KMT2C: variants seen among roughly 807,000 people sequenced by gnomAD.
KMT2C encodes the protein histone-lysine N-methyltransferase 2C.
Under a neutral mutation model 507.9 loss-of-function variants are expected in KMT2C, and 88 were observed. That is an observed-to-expected ratio of 0.17 (90% CI 0.15 to 0.21). The LOEUF is 0.21. Ranked by LOEUF, KMT2C falls within the 10% of genes least tolerant of loss-of-function variation. KMT2C has a pLI of 1.00. For missense variants in KMT2C, 4,954 were observed against 5,957.8 expected (o/e 0.83, Z 5.55); for synonymous variants, 2,049 against 2,080.8 (o/e 0.98, Z 0.42).
chr7:152,143,457 C>G (rs559759728), intron 55 of KMT2C, among the ~76,000 whole-genome samples: 1 of 152,324 alleles, frequency 6.6e-6, no homozygotes, highest in East Asian at 1.9e-4. Flanking sequence ...GGAGGCCCCA[C>G]CTCCAGAGCT....
chr7:152,311,847 C>G lies in KMT2C; in HGVS notation c.690G>C (p.Leu230=), dbSNP rs1245702490. ...QAGKLWDELS[L]VGLPDAIDIQ... ...TATCAATGGCATCTGGAAGCCCAAC[C>G]AGACTGAGTTCATCCCACAGTTTAC... Residue 230 remains leucine (L), a synonymous_variant, in exon 5 of 59, where the codon CTG becomes CTC. Coordinates refer to ENST00000262189, the MANE Select transcript of KMT2C (RefSeq NM_170606.3). The G allele has an allele frequency of 4.3e-6, 7 of 1,611,432 alleles. No homozygotes were observed. The highest frequency in any genetic ancestry group is 5.9e-6 in the Non-Finnish European group (7 of 1,178,094).
intron 41 of KMT2C, among the ~76,000 whole-genome samples, chr7:152,168,419 G>A (rs1376702332): frequency 1.3e-5 from 2 of 152,138 alleles, no homozygotes; most frequent in African/African-American, 4.8e-5. Context: ...AATTTCAAAA[G>A]GTCAGACTTT....
At chr7:152,262,089 C>T (rs1250493528) in intron 9 of KMT2C, among the ~76,000 whole-genome samples, 1 of 152,110 alleles carries the variant, frequency 6.6e-6, no homozygotes, top group Non-Finnish European at 1.5e-5. Flanking sequence ...AGGTGCCAAA[C>T]CTCACTGGCG....
At chr7:152,249,431 C>T (rs1457639125) in intron 13 of KMT2C, among the ~76,000 whole-genome samples, 4 of 150,134 alleles carry the variant, frequency 2.7e-5, no homozygotes, top group African/African-American at 4.9e-5. Flanking sequence ...TCAAGTGGTC[C>T]TCCCACCTCA....
rs760797362 is a variant in KMT2C at position 152,180,862 on chromosome 7, C to T, written c.6998G>A (p.Ser2333Asn). ...ADQPRPGSEG[S>N]FCASSNSPMH... ...TGGAGAGTTTGAAGATGCACAGAAG[C>T]TCCCCTCTGATCCAGGCCTTGGCTG... Residue 2333 changes from serine to asparagine, a missense_variant, in exon 36 of 59, where the codon AGC becomes AAC. Physicochemically the swap from Ser to Asn is conservative, Grantham distance 46. This residue lies in a region of KMT2C where 1,689 missense variants were observed against 1,654.3 expected (regional missense o/e 1.02). Coordinates refer to ENST00000262189, the MANE Select transcript of KMT2C (RefSeq NM_170606.3). 1.9e-6 allele frequency: 3 copies of T among 1,614,064 alleles called. No individual in the cohort carries two copies. The highest frequency in any genetic ancestry group is 2.5e-6 in the Non-Finnish European group (3 of 1,180,042).
chr7:152,252,110 T>G lies in KMT2C; in HGVS notation c.1470-20A>C. On this transcript the variant is annotated intron_variant, in intron 10 of 58. Coordinates refer to ENST00000262189, the MANE Select transcript of KMT2C (RefSeq NM_170606.3). ...ACCCACCTGCAGTGATAAGTATACT[T>G]AAATAAAAATTTCTAACATCGAGTT... The G allele has an allele frequency of 2.6e-6, 4 of 1,541,822 alleles. No homozygotes were observed. The highest frequency in any genetic ancestry group is 3.5e-6 in the Non-Finnish European group (4 of 1,140,112).
intron 15 of KMT2C, among the ~76,000 whole-genome samples, chr7:152,236,849 G>T (rs202030088): frequency 6.6e-6 from 1 of 152,146 alleles, no homozygotes; most frequent in South Asian, 2.1e-4. Flanking sequence ...AAGCCAAAGC[G>T]TCCAGCCAGG....
intron 1 of KMT2C, among the ~76,000 whole-genome samples, chr7:152,365,873 G>C (rs142904270): frequency 3.3e-5 from 5 of 152,046 alleles, no homozygotes. Context: ...GTAGTCCTGG[G>C]TACTCAGGAG....
In KMT2C at chr7:152,144,500, T is replaced by G. The variant is rs2090916947; in HGVS notation, c.14343+213A>C. 6.6e-6 allele frequency among the ~76,000 whole-genome samples: 1 copy of G among 152,226 alleles called. No homozygotes were observed. On this transcript the variant is annotated intron_variant, in intron 55 of 58. Coordinates refer to ENST00000262189, the MANE Select transcript of KMT2C (RefSeq NM_170606.3). This position sits in a 1 kb window ranked among gnomAD's most constrained non-coding sequence, Gnocchi z 4.4. The stretch of plus-strand genomic sequence containing the variant: ...GATGCAAAGATGTGGATTCCACTGG[T>G]CTGCTTTCCCTTTGGGGAAGCCAAT...
At chr7:152,223,782 G>A (rs1443865337) in intron 20 of KMT2C, among the ~76,000 whole-genome samples, 1 of 152,098 alleles carries the variant, frequency 6.6e-6, no homozygotes, top group Non-Finnish European at 1.5e-5. Context: ...CCTGGTGACA[G>A]AGCAAGACTC....
At chr7:152,174,605 T>C (rs894764643) in intron 38 of KMT2C, among the ~76,000 whole-genome samples, 1 of 152,208 alleles carries the variant, frequency 6.6e-6, no homozygotes, top group Non-Finnish European at 1.5e-5. Flanking sequence ...TCTACTAAAT[T>C]AGTTATCACT....
chr7:152,202,279 T>G (rs2094167793), intron 26 of KMT2C, among the ~76,000 whole-genome samples: 1 of 152,214 alleles, frequency 6.6e-6, no homozygotes, highest in Admixed American at 6.5e-5. Flanking sequence ...ATTAGTTAGA[T>G]GCAGAGCCAG....
intron 39 of KMT2C, among the ~76,000 whole-genome samples, chr7:152,172,250 T>C (rs1712418278): frequency 6.6e-6 from 1 of 152,146 alleles, no homozygotes; most frequent in Non-Finnish European, 1.5e-5. Context: ...CACACTACTC[T>C]AAGAAGGGAC....
intron 1 of KMT2C, among the ~76,000 whole-genome samples, chr7:152,364,863 T>C (rs1254349350): frequency 6.6e-6 from 1 of 151,664 alleles, no homozygotes; most frequent in African/African-American, 2.4e-5. Context: ...GTGAAATAAT[T>C]AGCTGTAAAT....
At chr7:152,174,054 T>A in intron 39 of KMT2C, 77 bp downstream of exon 39, 1 of 779,180 alleles carries the variant, frequency 1.3e-6, no homozygotes, top group Non-Finnish European at 2.1e-6. Context: ...CCATTTTCTG[T>A]ATGTTTTTTC....
In KMT2C at chr7:152,162,315, G is replaced by A. The variant is rs2129103679; in HGVS notation, c.11262C>T (p.Ser3754=). The change falls in exon 43 of 59, where the codon TCC becomes TCT. Residue 3754 remains serine, a synonymous_variant. Transcript: ENST00000262189. ...CAGAATGGGGAGGACTCTGTGCTGAGGAGACAGGACAGGCTACAGCGTTTC... is the reference window on the plus strand; with the variant it reads ...CAGAATGGGGAGGACTCTGTGCTGAAGAGACAGGACAGGCTACAGCGTTTC... The part of the protein sequence containing the change: ...VEGNAVACPV[S]SAQSPPHSAG... The A allele has an allele frequency of 6.2e-7, 1 of 1,614,230 alleles. No homozygotes were observed. The highest frequency in any genetic ancestry group is 8.5e-7 in the Non-Finnish European group (1 of 1,180,042).
At position 152,158,916 on chromosome 7, in the gene KMT2C, C is replaced by G. The variant is rs770245368; in HGVS notation, c.11617G>C (p.Glu3873Gln). 6.2e-6 allele frequency: 10 copies of G among 1,613,988 alleles called. No individual in the cohort carries two copies. The South Asian group carries it at 1.1e-4, about 18-fold the overall frequency. The change falls in exon 44 of 59, where the codon GAG (glutamate) becomes CAG (glutamine). Residue 3873 changes from glutamate to glutamine, a missense_variant. Physicochemically the swap from Glu to Gln is conservative, Grantham distance 29. Transcript: ENST00000262189. ...CTAGAGTACATAGCTTGTTTCTCCT[C>G]TTCGTCCTTTTTCCTTTTCTTTGAG... Reference protein sequence around the residue: ...PRSKKRKKDEEEKQAMYSSTD... With the variant: ...PRSKKRKKDEQEKQAMYSSTD...
At chr7:152,205,354 C>A (rs2094275743) in intron 24 of KMT2C, 129 bp from the exon 25 acceptor site, 167 of 244,394 alleles carry the variant, frequency 6.8e-4, no homozygotes, top group East Asian at 1.5e-3. Flanking sequence ...TAATCTAAAT[C>A]AATAACCTGA....
chr7:152,330,251 G>C (rs982394597), intron 3 of KMT2C, among the ~76,000 whole-genome samples: 2 of 151,848 alleles, frequency 1.3e-5, no homozygotes, highest in Non-Finnish European at 2.9e-5. Flanking sequence ...AGAAGGTAAG[G>C]AACAAAACTA....
Sources: gnomAD v4.1 joint callset for allele counts (sites outside exome capture counted in the v4.1 genomes callset) on GRCh38, gnomAD v4.1.1 for gene constraint, gnomAD v4.1.1 regional missense constraint, Gnocchi (gnomAD v3.1) non-coding constraint, MANE v1.5 for transcripts, NCBI Gene and HGNC (gene_info 2026-07-23, HGNC 2026-07-21) for gene names.